Variants in USP9Y observed in about 807,000 individuals in gnomAD.
The protein encoded by USP9Y is ubiquitin carboxyl-terminal hydrolase 9Y.
USP9Y carries 41 observed loss-of-function variants against 53.1 expected under a neutral mutation model. That is an observed-to-expected ratio of 0.77 (90% CI 0.60 to 1.00). The LOEUF is 1.00. USP9Y is among the 50% of genes least tolerant of loss of function. The pLI, the probability that USP9Y is intolerant of heterozygous loss-of-function variation, is 0.00. For missense variants in USP9Y, 567 were observed against 535.8 expected, an observed-to-expected ratio of 1.06 and a Z score of -0.58; for synonymous variants, 220 against 173.7, an observed-to-expected ratio of 1.27 and a Z score of -2.09.
chrY:12,725,511 T>G (rs1006972551), intron 6 of USP9Y, among the ~76,000 whole-genome samples: 12 of 33,552 alleles, frequency 3.6e-4, no homozygotes, highest in South Asian at 6.4e-4. Flanking sequence ...ACTACTATTT[T>G]GTAGCACTTG....
intron 27 of USP9Y, among the ~76,000 whole-genome samples, chrY:12,793,875 A>C (rs758927622): frequency 6.0e-5 from 2 of 33,079 alleles, no homozygotes; most frequent in African/African-American, 2.3e-4. Context: ...TGTATACTAG[A>C]TGTTGTTTAT....
intron 27 of USP9Y, among the ~76,000 whole-genome samples, chrY:12,798,723 A>C: frequency 3.0e-5 from 1 of 32,927 alleles, no homozygotes; most frequent in Middle Eastern, 0.013. Context: ...CTCCAAGGGG[A>C]AAGGACTGGC....
intron 15 of USP9Y, among the ~76,000 whole-genome samples, chrY:12,769,303 A>G (rs1048818250): frequency 5.9e-5 from 2 of 33,938 alleles, no homozygotes; most frequent in Non-Finnish European, 1.5e-4. Context: ...TATAGAAGTA[A>G]AAAGCCACGA....
At chrY:12,805,859 T>G in intron 27 of USP9Y, among the ~76,000 whole-genome samples, 1 of 33,485 alleles carries the variant, frequency 3.0e-5, no homozygotes, top group East Asian at 7.8e-4. Flanking sequence ...CTGTATCCTC[T>G]TCCTTCTAAC....
At chrY:12,789,446 G>T in intron 24 of USP9Y, among the ~76,000 whole-genome samples, 1 of 32,810 alleles carries the variant, frequency 3.0e-5, no homozygotes, top group Non-Finnish European at 7.5e-5. Flanking sequence ...AGCCTGGTCA[G>T]CATGGCGAAA....
At chrY:12,718,765 C>T in intron 3 of USP9Y, among the ~76,000 whole-genome samples, 1 of 33,644 alleles carries the variant, frequency 3.0e-5, no homozygotes, top group Non-Finnish European at 7.4e-5. Context: ...GCTGGTATTA[C>T]GGATGTGAGC....
Position 12,840,418 on chromosome Y carries a change from T to C in USP9Y, c.5892T>C (p.Asp1964=). 2.5e-6 allele frequency: 1 copy of C among 397,974 alleles called. No homozygotes were observed. Among genetic ancestry groups the C allele is most frequent in the Non-Finnish European group, 3.5e-6 (1 of 283,140 alleles). ...AACAAATGGATATGATAGATGAAGA[T>C]GATGAGATGATAAGATACATATCAG... The part of the protein sequence containing the change: ...FYEQMDMIDE[D]DEMIRYISEL... Residue 1964 remains aspartate (D), a synonymous_variant, in exon 36 of 46, where the codon GAT becomes GAC. Transcript: ENST00000338981.
chrY:12,792,698 T>C (rs762949749), intron 26 of USP9Y, among the ~76,000 whole-genome samples: 1 of 34,057 alleles, frequency 2.9e-5, no homozygotes, highest in Admixed American at 2.6e-4. Flanking sequence ...TGTATTATGA[T>C]CAATTTTTGA....
At chrY:12,854,824 T>C (rs2053574371) in intron 42 of USP9Y, among the ~76,000 whole-genome samples, 1 of 34,269 alleles carries the variant, frequency 2.9e-5, no homozygotes, top group Admixed American at 2.7e-4. Flanking sequence ...AGTAGACTTT[T>C]GTACAAAATT....
At chrY:12,732,573 A>C in intron 7 of USP9Y, among the ~76,000 whole-genome samples, 1 of 32,785 alleles carries the variant, frequency 3.1e-5, no homozygotes, top group Non-Finnish European at 7.5e-5. Flanking sequence ...CAGTCTCCTG[A>C]CCTTGTGATC....
At chrY:12,797,545 T>G in intron 27 of USP9Y, among the ~76,000 whole-genome samples, 1 of 33,898 alleles carries the variant, frequency 3.0e-5, no homozygotes, top group South Asian at 6.6e-4. Flanking sequence ...TGAAGTCTTT[T>G]TACAGTGGCT....
intron 33 of USP9Y, among the ~76,000 whole-genome samples, chrY:12,830,152 G>A (rs2053549766): frequency 3.0e-5 from 1 of 33,170 alleles, no homozygotes; most frequent in African/African-American, 1.2e-4. Context: ...GTAAATTCTG[G>A]TACATTCATA....
At chrY:12,833,435 T>C (rs2053552059) in intron 33 of USP9Y, among the ~76,000 whole-genome samples, 3 of 33,849 alleles carry the variant, frequency 8.9e-5, no homozygotes, top group Non-Finnish European at 2.2e-4. Context: ...TTGAATATAC[T>C]GTGCTTTATG....
At chrY:12,784,478 C>T (rs2053500046) in intron 22 of USP9Y, among the ~76,000 whole-genome samples, 1 of 33,089 alleles carries the variant, frequency 3.0e-5, no homozygotes, top group Non-Finnish European at 7.5e-5. Flanking sequence ...CCCTCTTTGC[C>T]GATTGGAAAT....
intron 22 of USP9Y, among the ~76,000 whole-genome samples, chrY:12,784,871 T>G: frequency 3.0e-5 from 1 of 33,437 alleles, no homozygotes; most frequent in African/African-American, 1.2e-4. Flanking sequence ...CAGAAGAATT[T>G]ATCAATATCA....
At chrY:12,805,297 C>T (rs2053523237) in intron 27 of USP9Y, among the ~76,000 whole-genome samples, 1 of 33,280 alleles carries the variant, frequency 3.0e-5, no homozygotes, top group Non-Finnish European at 7.4e-5. Flanking sequence ...TTTTTTCTTT[C>T]TCTTACTGAC....
At chrY:12,824,726 G>A in intron 33 of USP9Y, among the ~76,000 whole-genome samples, 1 of 33,611 alleles carries the variant, frequency 3.0e-5, no homozygotes, top group Non-Finnish European at 7.4e-5. Flanking sequence ...AACTACTTTA[G>A]ATGTTTATTA....
At chrY:12,849,107 A>G in intron 42 of USP9Y, among the ~76,000 whole-genome samples, 1 of 33,514 alleles carries the variant, frequency 3.0e-5, no homozygotes, top group Non-Finnish European at 7.4e-5. Context: ...ATGTTCTTCC[A>G]TTTGTTTGTG....
chrY:12,836,419 A>T (rs2053555374), intron 34 of USP9Y, among the ~76,000 whole-genome samples: 2 of 32,698 alleles, frequency 6.1e-5, no homozygotes, highest in African/African-American at 2.4e-4. Context: ...GCATCATTCC[A>T]CCTAATAAAC....
Sources: allele counts gnomAD v4.1 joint callset (sites outside exome capture counted in the v4.1 genomes callset), GRCh38; gene constraint gnomAD v4.1.1; transcripts MANE v1.5; gene names NCBI Gene and HGNC (gene_info 2026-07-23, HGNC 2026-07-21).